Variants in SEC22A observed in about 807,000 individuals in gnomAD.
SEC22A encodes the protein SEC22 homolog A, vesicle trafficking protein.
A neutral mutation model predicts 35.3 loss-of-function variants in SEC22A; 22 were observed. That is an observed-to-expected ratio of 0.62 (90% confidence interval 0.45 to 0.89). SEC22A has a LOEUF of 0.89. Among genes scored for constraint, SEC22A ranks in the 40% least tolerant of loss-of-function variants. The pLI is 0.00. For synonymous variants in SEC22A, 119 were observed against 129.5 expected, an observed-to-expected ratio of 0.92 and a Z score of 0.55; for missense variants, 354 against 362.5, an observed-to-expected ratio of 0.98 and a Z score of 0.19.
chr3:123,213,003 C>T (rs1358285221), intron 2 of SEC22A, among the ~76,000 whole-genome samples: 3 of 152,166 alleles, frequency 2.0e-5, no homozygotes, highest in Non-Finnish European at 4.4e-5. Flanking sequence ...CTTCCAGCAA[C>T]TATAATTATG....
intron 2 of SEC22A, among the ~76,000 whole-genome samples, chr3:123,220,255 A>T (rs1451435042): frequency 6.6e-6 from 1 of 152,040 alleles, no homozygotes; most frequent in Non-Finnish European, 1.5e-5. Flanking sequence ...CAGTCATATT[A>T]ATGGAGGATA....
rs1363927230 is a variant in SEC22A at position 123,273,653 on chromosome 3, C to T, written c.*1931C>T. ...TGAAACCTCATCTCTACTAAAAATACAAAATTTAGCTGGGTGTGGTTGCGC... is the reference window on the plus strand; with the variant it reads ...TGAAACCTCATCTCTACTAAAAATATAAAATTTAGCTGGGTGTGGTTGCGC... On this transcript the variant is annotated 3_prime_UTR_variant, in exon 7 of 7. Coordinates refer to ENST00000492595, the MANE Select transcript of SEC22A (RefSeq NM_012430.5). 6.6e-6 allele frequency: 1 copy of T among 152,054 alleles called. No homozygotes were observed. Among genetic ancestry groups the T allele is most frequent in the Non-Finnish European group, 1.5e-5 (1 of 68,034 alleles). 9.4% of individuals were successfully genotyped at this position (152,054 alleles called of 1,614,324 possible).
At chr3:123,226,744 A>G (rs971536404) in intron 4 of SEC22A, among the ~76,000 whole-genome samples, 1 of 152,090 alleles carries the variant, frequency 6.6e-6, no homozygotes, top group Non-Finnish European at 1.5e-5. Flanking sequence ...CCACTTTTGC[A>G]TTGGTTGCCT....
At chr3:123,235,210 T>A (rs990522697) in intron 4 of SEC22A, among the ~76,000 whole-genome samples, 1 of 152,150 alleles carries the variant, frequency 6.6e-6, no homozygotes, top group Admixed American at 6.5e-5. Flanking sequence ...AAAAACTTTG[T>A]TCTTCGAACG....
chr3:123,224,814 G>A (rs1937192177), intron 3 of SEC22A, among the ~76,000 whole-genome samples: 1 of 152,092 alleles, frequency 6.6e-6, no homozygotes. Context: ...CAAGACTTTG[G>A]TTTAAAGTTA....
chr3:123,226,906 T>G (rs1053752935), intron 4 of SEC22A, among the ~76,000 whole-genome samples: 20 of 152,202 alleles, frequency 1.3e-4, no homozygotes, highest in Admixed American at 6.5e-5. Context: ...TAGGAAAACA[T>G]TTAAGGTTTC....
intron 4 of SEC22A, among the ~76,000 whole-genome samples, chr3:123,244,119 T>C (rs1937547940): frequency 6.6e-6 from 1 of 151,898 alleles, no homozygotes; most frequent in African/African-American, 2.4e-5. Flanking sequence ...TTTACTGAAG[T>C]AAAAAAAATA....
intron 1 of SEC22A, among the ~76,000 whole-genome samples, chr3:123,205,675 TCAAAA>T (rs10574423): frequency 0.29 from 44,156 of 151,326 alleles, 7,488 homozygotes; most frequent in Non-Finnish European, 0.4. Context: ...AGACCCTGTT[TCAAAA>T]CAAAACAAAA....
chr3:123,204,166 A>G lies in SEC22A; in HGVS notation c.-20+2180A>G, dbSNP rs568878142. On this transcript the variant is annotated intron_variant, in intron 1 of 6. Transcript: ENST00000492595. ...ATTAAAAAATTCTCCCCAAATTTTC[A>G]CACACATACATATTTGAATGAAACA... Among the ~76,000 whole-genome samples, 5 of 152,348 alleles carry G rather than the reference A, an allele frequency of 3.3e-5. No individual in the cohort carries two copies. The South Asian group carries it at 1.0e-3, about 32-fold the overall frequency.
chr3:123,259,489 G>A (rs778631239), intron 5 of SEC22A, 35 bp from the exon 6 acceptor site: 14 of 1,513,206 alleles, frequency 9.3e-6, no homozygotes, highest in South Asian at 3.5e-5. Context: ...GGCTCCCACC[G>A]GAAACAAAAA....
At chr3:123,269,702 G>C (rs928190562) in intron 6 of SEC22A, among the ~76,000 whole-genome samples, 1 of 141,926 alleles carries the variant, frequency 7.0e-6, no homozygotes, top group Non-Finnish European at 1.5e-5. Context: ...GTGTGATCTC[G>C]GCTCACTGCA....
At chr3:123,240,084 T>C (rs1420915524) in intron 4 of SEC22A, among the ~76,000 whole-genome samples, 3 of 151,916 alleles carry the variant, frequency 2.0e-5, no homozygotes, top group African/African-American at 7.3e-5. Flanking sequence ...GTAGTGTGAG[T>C]CTGGATTGAT....
In SEC22A at chr3:123,225,182, G is replaced by C; in HGVS notation, c.426G>C (p.Gln142His). Residue 142 changes from glutamine (Q) to histidine (H), a missense_variant, in exon 4 of 7, where the codon CAG becomes CAC. Transcript: ENST00000492595. ...LSTKINLSDM[Q>H]TEIKLRPPYQ... Reference sequence around the variant, plus strand: ...CAAAGATAAATCTTTCTGACATGCAGACGGAAATCAAGCTGAGGCCTCCTT... The same window carrying C: ...CAAAGATAAATCTTTCTGACATGCACACGGAAATCAAGCTGAGGCCTCCTT... 1 of 1,613,700 alleles carries C rather than the reference G, an allele frequency of 6.2e-7. No homozygotes were observed.
At chr3:123,228,553 C>T (rs1407763376) in intron 4 of SEC22A, among the ~76,000 whole-genome samples, 1 of 134,610 alleles carries the variant, frequency 7.4e-6, no homozygotes, top group East Asian at 2.1e-4. Flanking sequence ...CTAGCCTGGG[C>T]AACGAGAGCG....
In SEC22A at chr3:123,267,772, A is replaced by C. The variant is rs190274749; in HGVS notation, c.724-3750A>C. On this transcript the variant is annotated intron_variant, in intron 6 of 6. Transcript: ENST00000492595. ...AGATCTGCTAGCAGCAAATTATCTT[A>C]ATCTTTCATCTGATAAATGTTTTTA... is the stretch of plus-strand genomic sequence containing the variant. Among the ~76,000 whole-genome samples the C allele has an allele frequency of 2.6e-5, 4 of 152,284 alleles. No individual in the cohort carries two copies. In the East Asian group the frequency reaches 5.8e-4, roughly 22 times the overall value.
chr3:123,268,334 G>A (rs1938071218), intron 6 of SEC22A, among the ~76,000 whole-genome samples: 1 of 152,178 alleles, frequency 6.6e-6, no homozygotes, highest in Admixed American at 6.5e-5. Context: ...GGCATTTCTA[G>A]TTGCCAGCTT....
intron 4 of SEC22A, among the ~76,000 whole-genome samples, chr3:123,229,281 A>T (rs9862038): frequency 0.2 from 29,907 of 152,146 alleles, 3,043 homozygotes; most frequent in Middle Eastern, 0.28. Flanking sequence ...TGTATAACAA[A>T]CCTGTCCCTG....
Position 123,271,491 on chromosome 3 carries a change from T to G in SEC22A, c.724-31T>G, listed in dbSNP as rs781529202. Reference sequence around the variant, plus strand: ...ACATCTGTTTCTTTTCCTGTAACCCTAATCATCTTTCATTTTTATATTTTG... The same window carrying G: ...ACATCTGTTTCTTTTCCTGTAACCCGAATCATCTTTCATTTTTATATTTTG... On this transcript the variant is annotated intron_variant, in intron 6 of 6. Coordinates refer to ENST00000492595, the MANE Select transcript of SEC22A (RefSeq NM_012430.5). The G allele has an allele frequency of 4.3e-5, 67 of 1,563,882 alleles. No individual in the cohort carries two copies. The Admixed American group carries it at 6.4e-4, about 15-fold the overall frequency.
chr3:123,204,849 C>T (rs1936822326), intron 1 of SEC22A: 1 of 152,196 alleles, frequency 6.6e-6, no homozygotes, highest in African/African-American at 2.4e-5. Flanking sequence ...AAACATTTAT[C>T]TATGGCCCCG....
Sources: gnomAD v4.1 joint callset for allele counts (sites outside exome capture counted in the v4.1 genomes callset) on GRCh38, gnomAD v4.1.1 for gene constraint, MANE v1.5 for transcripts, NCBI Gene and HGNC (gene_info 2026-07-23, HGNC 2026-07-21) for gene names.